PTPRD: variants seen among roughly 807,000 people sequenced by gnomAD.
PTPRD encodes protein tyrosine phosphatase receptor type D.
In PTPRD, 34 loss-of-function variants were observed where a neutral mutation model predicts 214.5. The ratio of observed to expected loss-of-function variants is 0.16; its 90% CI spans 0.12 to 0.21. The LOEUF (loss-of-function observed/expected upper bound fraction) is 0.21. Among genes scored for constraint, PTPRD ranks in the 10% least tolerant of loss-of-function variants. The probability of loss-of-function intolerance (pLI) is 1.00; values close to 1 mark genes in which losing one functional copy is unlikely to be tolerated. For missense variants in PTPRD, 2,545 were observed against 2,398.7 expected, an observed-to-expected ratio of 1.06 and a Z score of -1.27; for synonymous variants, 1,128 against 845.7, an observed-to-expected ratio of 1.33 and a Z score of -5.79.
At position 9,326,395 on chromosome 9, in the gene PTPRD, T is replaced by C. The variant is rs1217915676; in HGVS notation, c.-203+71054A>G. 3.3e-5 allele frequency among the ~76,000 whole-genome samples: 5 copies of C among 152,122 alleles called. No homozygotes were observed. In the East Asian group the frequency reaches 5.8e-4, roughly 18 times the overall value. On this transcript the variant is annotated intron_variant, in intron 9 of 45. Coordinates refer to ENST00000381196, the MANE Select transcript of PTPRD (RefSeq NM_002839.4). ...ACAATTAACAAAGAATTATGAAATA[T>C]TTGAAATAAAAGTTGCTGTGCATAT...
chr9:9,764,372 C>A (rs755629543), intron 6 of PTPRD, among the ~76,000 whole-genome samples: 1 of 152,054 alleles, frequency 6.6e-6, no homozygotes, highest in African/African-American at 2.4e-5. Flanking sequence ...GTATGACACA[C>A]AAATCTTTAA....
chr9:8,773,795 C>A (rs2095341428), intron 11 of PTPRD, among the ~76,000 whole-genome samples: 1 of 152,174 alleles, frequency 6.6e-6, no homozygotes, highest in Non-Finnish European at 1.5e-5. Flanking sequence ...GCTGCAGTTT[C>A]AAATATACAA....
chr9:8,796,044 T>C (rs1397502050), intron 11 of PTPRD, among the ~76,000 whole-genome samples: 4 of 152,192 alleles, frequency 2.6e-5, no homozygotes, highest in African/African-American at 9.6e-5. Context: ...CAAAGGCAGG[T>C]TTAGGTTTCT....
At chr9:10,007,747 T>C (rs1045643724) in intron 4 of PTPRD, among the ~76,000 whole-genome samples, 3 of 151,974 alleles carry the variant, frequency 2.0e-5, no homozygotes, top group Non-Finnish European at 4.4e-5. Flanking sequence ...AGCTTCAGCA[T>C]TTAAAAAAAT....
At chr9:8,691,396 G>GA (rs58521011) in intron 12 of PTPRD, among the ~76,000 whole-genome samples, 281 of 113,620 alleles carry the variant, frequency 2.5e-3, no homozygotes, top group Non-Finnish European at 3.2e-3. Flanking sequence ...CTTCTCTAGA[G>GA]AAAAAAAAAA....
chr9:8,567,335 A>T (rs2154220194), intron 14 of PTPRD, among the ~76,000 whole-genome samples: 1 of 152,324 alleles, frequency 6.6e-6, no homozygotes, highest in East Asian at 1.9e-4. Context: ...TTTAAGGCAT[A>T]GCTCAGGAGT....
intron 11 of PTPRD, among the ~76,000 whole-genome samples, chr9:9,007,406 A>T (rs1342410744): frequency 6.6e-6 from 1 of 151,826 alleles, no homozygotes; most frequent in African/African-American, 2.4e-5. Flanking sequence ...AATAAAATCT[A>T]AGAGAAAAAA....
rs565493699 is a variant in PTPRD at position 10,484,802 on chromosome 9, C to G, written c.-600+127596G>C. On this transcript the variant is annotated intron_variant, in intron 2 of 45. Transcript: ENST00000381196. ...AAGATGTGTAGTTTGCAAATATTTTCTCTTATTCTGTGCGTTGTCTCTTCA... is the reference window on the plus strand; with the variant it reads ...AAGATGTGTAGTTTGCAAATATTTTGTCTTATTCTGTGCGTTGTCTCTTCA... Among the ~76,000 whole-genome samples, 429 of 152,054 alleles carry G rather than the reference C, an allele frequency of 2.8e-3. 1 individual carries two copies. Among genetic ancestry groups the G allele is most frequent in the African/African-American group, 9.7e-3 (404 of 41,506 alleles).
chr9:8,341,811 A>G lies in PTPRD; in HGVS notation c.4829T>C (p.Leu1610Ser), dbSNP rs2132503659. 1 of 1,613,626 alleles carries G rather than the reference A, an allele frequency of 6.2e-7. No individual in the cohort carries two copies. The highest frequency in any genetic ancestry group is 8.5e-7 in the Non-Finnish European group (1 of 1,179,740). Residue 1610 changes from leucine to serine, a missense_variant, in exon 40 of 46, where the codon TTA becomes TCA. Coordinates refer to ENST00000381196, the MANE Select transcript of PTPRD (RefSeq NM_002839.4). Reference sequence around the variant, plus strand: ...GGTATTTCCACAAGTCACTGCTTCTAACAGTGCATCATGGATAAAGATGTA... The same window carrying G: ...GGTATTTCCACAAGTCACTGCTTCTGACAGTGCATCATGGATAAAGATGTA... The part of the protein sequence containing the change: ...DQYIFIHDAL[L>S]EAVTCGNTEV...
intron 9 of PTPRD, among the ~76,000 whole-genome samples, chr9:9,373,863 A>G (rs898101542): frequency 1.3e-5 from 2 of 152,058 alleles, no homozygotes; most frequent in African/African-American, 4.8e-5. Flanking sequence ...TTTATATTGG[A>G]ATACTTGCAT....
At chr9:10,034,911 T>C (rs1301102394) in intron 3 of PTPRD, among the ~76,000 whole-genome samples, 4 of 152,174 alleles carry the variant, frequency 2.6e-5, no homozygotes, top group East Asian at 1.9e-4. Context: ...GTCTTTATAA[T>C]AGAACAATTC....
intron 39 of PTPRD, among the ~76,000 whole-genome samples, chr9:8,358,183 G>A (rs772226690): frequency 2.6e-5 from 4 of 152,026 alleles, no homozygotes; most frequent in Admixed American, 6.6e-5. Context: ...CTCCAACCAC[G>A]TATCTCTAAC....
chr9:9,980,658 T>C (rs1039206071), intron 4 of PTPRD, among the ~76,000 whole-genome samples: 22 of 89,530 alleles, frequency 2.5e-4, no homozygotes, highest in African/African-American at 8.3e-4. Context: ...CCTTTATGGA[T>C]CAAAATTCTT....
At chr9:10,218,585 T>C (rs947000590) in intron 3 of PTPRD, among the ~76,000 whole-genome samples, 1 of 151,852 alleles carries the variant, frequency 6.6e-6, no homozygotes, top group Non-Finnish European at 1.5e-5. Flanking sequence ...AGATACAGTG[T>C]ATACGACCTT....
chr9:9,966,989 G>A (rs543780025), intron 4 of PTPRD, among the ~76,000 whole-genome samples: 1 of 152,242 alleles, frequency 6.6e-6, no homozygotes, highest in East Asian at 1.9e-4. Context: ...GAATAATGGA[G>A]AGTTTAGGGA....
chr9:9,429,103 T>G (rs905002889), intron 8 of PTPRD, among the ~76,000 whole-genome samples: 2 of 151,998 alleles, frequency 1.3e-5, no homozygotes, highest in African/African-American at 2.4e-5. Context: ...CAAAAATCAA[T>G]GAATCCAGGA....
chr9:8,605,504 C>G (rs983079329), intron 14 of PTPRD, among the ~76,000 whole-genome samples: 1 of 152,154 alleles, frequency 6.6e-6, no homozygotes, highest in Non-Finnish European at 1.5e-5. Context: ...TCAGTGAAGA[C>G]TCCTCAGTGG....
At chr9:8,392,391 T>A (rs915260816) in intron 36 of PTPRD, among the ~76,000 whole-genome samples, 2 of 151,934 alleles carry the variant, frequency 1.3e-5, no homozygotes, top group African/African-American at 2.4e-5. Context: ...CTGGATATGG[T>A]CATGCACGCC....
rs1438255199 is a variant in PTPRD, at chr9:8,315,691, T to C, written c.*2183A>G. On this transcript the variant is annotated 3_prime_UTR_variant, in exon 46 of 46. Transcript: ENST00000381196. ...TTTTTACAAAAGTGCTCAAATACAA[T>C]GCTTGCAAATGTTTGGTCTCTTGGA... The C allele has an allele frequency of 4.4e-6, 1 of 228,378 alleles. No homozygotes were observed. Among genetic ancestry groups the C allele is most frequent in the Non-Finnish European group, 8.7e-6 (1 of 114,844 alleles). The allele number at this position is 228,378 out of a possible 1,614,324, so 14.1% of individuals were successfully genotyped here.
Sources: gnomAD v4.1 joint callset for allele counts (sites outside exome capture counted in the v4.1 genomes callset) on GRCh38, gnomAD v4.1.1 for gene constraint, MANE v1.5 for transcripts, NCBI Gene and HGNC (gene_info 2026-07-23, HGNC 2026-07-21) for gene names.